Variants in CDH11 observed in about 807,000 individuals in gnomAD.
The protein encoded by CDH11 is cadherin 11.
Under a neutral mutation model 67.8 loss-of-function variants are expected in CDH11, and 11 were observed. The observed-to-expected ratio is 0.16, with a 90% CI of 0.10 to 0.27. The LOEUF is 0.27. CDH11 is among the 10% of genes least tolerant of loss of function. The pLI is 1.00. For missense variants in CDH11, 847 were observed against 1,031.2 expected, an observed-to-expected ratio of 0.82 and a Z score of 2.45; for synonymous variants, 419 against 400.0, an observed-to-expected ratio of 1.05 and a Z score of -0.57.
intron 11 of CDH11, among the ~76,000 whole-genome samples, chr16:64,960,092 T>C (rs900765680): frequency 2.0e-5 from 3 of 152,304 alleles, no homozygotes; most frequent in African/African-American, 7.2e-5. Context: ...GCAAAACTAA[T>C]ACATTAGAGG....
At chr16:65,028,976 T>A (rs1030435794) in intron 2 of CDH11, among the ~76,000 whole-genome samples, 3 of 152,150 alleles carry the variant, frequency 2.0e-5, no homozygotes, top group Non-Finnish European at 4.4e-5. Flanking sequence ...AGGCATACTT[T>A]CAGTTAAACA....
chr16:65,044,443 G>A (rs2073920600), intron 2 of CDH11, among the ~76,000 whole-genome samples: 1 of 151,906 alleles, frequency 6.6e-6, no homozygotes, highest in Non-Finnish European at 1.5e-5. Context: ...AAACCAAAAT[G>A]GTCATAAACT....
intron 2 of CDH11, among the ~76,000 whole-genome samples, chr16:65,018,473 T>A (rs1377861739): frequency 6.6e-6 from 1 of 152,168 alleles, no homozygotes; most frequent in Non-Finnish European, 1.5e-5. Flanking sequence ...TGCCATAAGG[T>A]AAGAATACTC....
At chr16:64,993,767 C>G (rs1165199418) in intron 4 of CDH11, among the ~76,000 whole-genome samples, 3 of 152,072 alleles carry the variant, frequency 2.0e-5, no homozygotes, top group Non-Finnish European at 4.4e-5. Flanking sequence ...TGGCTGGTCA[C>G]AAATAGCAAG....
At chr16:64,969,432 AGATTGAC>A (rs1286275913) in intron 11 of CDH11, among the ~76,000 whole-genome samples, 10 of 152,174 alleles carry the variant, frequency 6.6e-5, no homozygotes, top group Admixed American at 5.2e-4. Context: ...CACAGATAGA[AGATTGAC>A]CACAAATATT....
upstream of CDH11, among the ~76,000 whole-genome samples, chr16:65,122,856 C>T (rs887899593): frequency 3.9e-5 from 6 of 152,178 alleles, no homozygotes; most frequent in African/African-American, 1.4e-4. Flanking sequence ...TGGGAGGGTG[C>T]CTTGGCCCCT....
intron 2 of CDH11, among the ~76,000 whole-genome samples, chr16:65,020,163 T>C (rs1172729359): frequency 6.6e-6 from 1 of 152,198 alleles, no homozygotes; most frequent in African/African-American, 2.4e-5. Context: ...TAACAACCTA[T>C]GTCCATCAGT....
At chr16:65,061,885 C>T (rs2074240564) in intron 1 of CDH11, among the ~76,000 whole-genome samples, 1 of 152,174 alleles carries the variant, frequency 6.6e-6, no homozygotes, top group Admixed American at 6.5e-5. Context: ...CATCTTATGA[C>T]AATCTTATAA....
chr16:64,989,404 G>C (rs895214894), intron 6 of CDH11, among the ~76,000 whole-genome samples: 4 of 152,158 alleles, frequency 2.6e-5, no homozygotes, highest in Non-Finnish European at 5.9e-5. Flanking sequence ...AGCAGAAAGA[G>C]GGAGAGATTG....
chr16:64,946,643 A>C lies in CDH11; in HGVS notation c.*960T>G. 9.9e-7 allele frequency: 1 copy of C among 1,007,756 alleles called. No individual in the cohort carries two copies. Among genetic ancestry groups the C allele is most frequent in the Non-Finnish European group, 1.2e-6 (1 of 836,864 alleles). 62.4% of individuals were successfully genotyped at this position (1,007,756 alleles called of 1,614,324 possible). A position where few individuals can be genotyped will look rare whatever the true frequency, so the allele number is the denominator to read the frequency against. On this transcript the variant is annotated 3_prime_UTR_variant, in exon 13 of 13. Coordinates refer to ENST00000268603, the MANE Select transcript of CDH11 (RefSeq NM_001797.4). ...CATTTGTAAAACATATTTGATTTTA[A>C]ATAAACAATAAAAGCAGCAGACAGA... is the stretch of plus-strand genomic sequence containing the variant.
intron 1 of CDH11, among the ~76,000 whole-genome samples, chr16:65,087,580 G>A (rs2074722147): frequency 6.6e-6 from 1 of 152,184 alleles, no homozygotes; most frequent in African/African-American, 2.4e-5. Flanking sequence ...TAAATGTGGA[G>A]AAGGAGATTT....
intron 2 of CDH11, among the ~76,000 whole-genome samples, chr16:65,045,328 A>AGT (rs1555522663): frequency 6.9e-4 from 32 of 46,120 alleles, no homozygotes; most frequent in African/African-American, 2.8e-3. Flanking sequence ...TTCCCTCAAA[A>AGT]GTATATATAT....
At chr16:65,014,861 ATT>A (rs111296967) in intron 2 of CDH11, among the ~76,000 whole-genome samples, 1 of 147,734 alleles carries the variant, frequency 6.8e-6, no homozygotes, top group African/African-American at 2.5e-5. Flanking sequence ...GTTTAAAACA[ATT>A]TTTTTTTTTG....
intron 1 of CDH11, among the ~76,000 whole-genome samples, chr16:65,085,489 TA>T (rs2074681962): frequency 6.6e-6 from 1 of 152,206 alleles, no homozygotes; most frequent in Non-Finnish European, 1.5e-5. Flanking sequence ...ACCCCTTTTG[TA>T]AAACACAGCT....
At chr16:65,018,222 T>C (rs575920429) in intron 2 of CDH11, among the ~76,000 whole-genome samples, 54 of 152,310 alleles carry the variant, frequency 3.5e-4, no homozygotes, top group African/African-American at 1.3e-3. Context: ...CAATCTTTAC[T>C]TTCCACAGGT....
In CDH11 at chr16:64,996,595, A is replaced by G. The variant is rs147931641; in HGVS notation, c.523+1967T>C. Among the ~76,000 whole-genome samples the G allele has an allele frequency of 4.8e-3, 731 of 152,308 alleles. 1 individual carries two copies. The highest frequency in any genetic ancestry group is 0.017 in the African/African-American group (695 of 41,562). On this transcript the variant is annotated intron_variant, in intron 4 of 12. Coordinates refer to ENST00000268603, the MANE Select transcript of CDH11 (RefSeq NM_001797.4). ...CTACAAGAAAAACGCCTGCACTTGT[A>G]TATTTATTGCAGCACTATTCACAAT...
intron 1 of CDH11, among the ~76,000 whole-genome samples, chr16:65,065,038 A>G (rs1244828648): frequency 2.0e-5 from 3 of 152,148 alleles, no homozygotes; most frequent in Non-Finnish European, 4.4e-5. Context: ...CCGCATTTTC[A>G]TTAATATCAC....
At chr16:65,017,668 C>T (rs1412832276) in intron 2 of CDH11, among the ~76,000 whole-genome samples, 1 of 152,068 alleles carries the variant, frequency 6.6e-6, no homozygotes, top group Non-Finnish European at 1.5e-5. Flanking sequence ...CTTGTTAGAA[C>T]TAAGTTAATA....
intron 2 of CDH11, among the ~76,000 whole-genome samples, chr16:65,043,437 A>G (rs937983670): frequency 6.6e-5 from 10 of 152,210 alleles, no homozygotes; most frequent in African/African-American, 2.4e-4. Flanking sequence ...TGTGTGATGC[A>G]GCCCAGCAAC....
Sources: gnomAD v4.1 joint callset for allele counts (sites outside exome capture counted in the v4.1 genomes callset) on GRCh38, gnomAD v4.1.1 for gene constraint, MANE v1.5 for transcripts, NCBI Gene and HGNC (gene_info 2026-07-23, HGNC 2026-07-21) for gene names.